Variants in CAPN12 observed in about 807,000 individuals in gnomAD.
CAPN12 encodes the protein calpain-12.
In CAPN12, 107 loss-of-function variants were observed where a neutral mutation model predicts 95.0. The ratio of observed to expected loss-of-function variants is 1.13; its 90% CI spans 0.96 to 1.32. CAPN12 has a LOEUF of 1.32. CAPN12 is among the 40% of genes most tolerant of loss of function. CAPN12 has a pLI of 0.00. For synonymous variants in CAPN12, 505 were observed against 415.5 expected, an observed-to-expected ratio of 1.22 and a Z score of -2.62; for missense variants, 1,136 against 997.8, an observed-to-expected ratio of 1.14 and a Z score of -1.87.
At chr19:38,731,658 T>G (rs1433834532) in intron 18 of CAPN12, 1 of 209,478 alleles carries the variant, frequency 4.8e-6, no homozygotes, top group Non-Finnish European at 9.9e-6. Flanking sequence ...CTGTGGAGTC[T>G]CATTGGAGGC....
At chr19:38,734,751 G>T in intron 15 of CAPN12, 62 bp downstream of exon 15, 1 of 1,507,942 alleles carries the variant, frequency 6.6e-7, no homozygotes, top group Non-Finnish European at 9.1e-7. Context: ...GGGTGGCACC[G>T]GCTCTGGTTG....
chr19:38,742,850 CAAAAA>C (rs11406594), intron 2 of CAPN12, among the ~76,000 whole-genome samples, 178 bp downstream of exon 2: 21 of 53,306 alleles, frequency 3.9e-4, no homozygotes, highest in African/African-American at 1.6e-3. Context: ...GACCCCATCT[CAAAAA>C]AAAAAAAAAA....
rs1969510060 is a variant in CAPN12, at chr19:38,730,598, AG to A, written c.*253del. 1.7e-6 allele frequency: 1 copy of A among 572,922 alleles called. No homozygotes were observed. The highest frequency in any genetic ancestry group is 1.9e-5 in the African/African-American group (1 of 53,502). 35.5% of individuals were successfully genotyped at this position (572,922 alleles called of 1,614,324 possible). A position where few individuals can be genotyped will look rare whatever the true frequency, so the allele number is the denominator to read the frequency against. ...CTCCACCTTCTAGGAGAGCCAGGGC[AG>A]AGCTAGCACTGTCTTAAGCTGTCAA... On this transcript the variant is annotated 3_prime_UTR_variant, in exon 21 of 21. Transcript: ENST00000328867.
In CAPN12 at chr19:38,736,565, TGAAA is replaced by T; in HGVS notation, c.1363-6_1363-3del. On this transcript the variant is annotated splice_region_variant and splice_polypyrimidine_tract_variant and intron_variant, in intron 10 of 20. Transcript: ENST00000328867. ...TCCCAGACTCACCTCCTCTGGAATCTGAAAGAAGCAAGAGCAAGGGGCGTCGGGG... is the reference window on the plus strand; with the variant it reads ...TCCCAGACTCACCTCCTCTGGAATCTGAAGCAAGAGCAAGGGGCGTCGGGG... The T allele has an allele frequency of 1.9e-6, 3 of 1,562,586 alleles. No homozygotes were observed. Among genetic ancestry groups the T allele is most frequent in the Non-Finnish European group, 2.6e-6 (3 of 1,153,726 alleles).
At chr19:38,736,888 T>TGAGAC (rs1419929759) in intron 10 of CAPN12, 10 of 351,372 alleles carry the variant, frequency 2.8e-5, no homozygotes, top group Non-Finnish European at 5.3e-5. Context: ...CCCTCTCCCC[T>TGAGAC]CTGAGACCTG....
At chr19:38,740,022 G>A (rs1420121745) in intron 5 of CAPN12, 29 bp downstream of exon 5, 2 of 1,523,840 alleles carry the variant, frequency 1.3e-6, no homozygotes, top group Non-Finnish European at 1.8e-6. Context: ...TCCTGGTGGG[G>A]GTTCCGCATG....
rs530039635 is a variant in CAPN12 at position 38,735,303 on chromosome 19, G to A, written c.1686+67C>T. 45 of 1,441,140 alleles carry A rather than the reference G, an allele frequency of 3.1e-5. 1 individual carries two copies. In the South Asian group the frequency reaches 3.9e-4, roughly 12 times the overall value. The allele number at this position is 1,441,140 out of a possible 1,614,324, so 89.3% of individuals were successfully genotyped here. On this transcript the variant is annotated intron_variant, in intron 14 of 20. Coordinates refer to ENST00000328867, the MANE Select transcript of CAPN12 (RefSeq NM_144691.4). ...AATGAGACACCTGAGATGCTGGGGT[G>A]GGGGAAGGGGGGTCCCCAAGGGGAG...
intron 12 of CAPN12, 72 bp from the exon 13 acceptor site, chr19:38,735,616 GGTGAGGAATC>G: frequency 6.6e-7 from 1 of 1,524,792 alleles, no homozygotes; most frequent in East Asian, 2.4e-5. Flanking sequence ...CGGGGTCTCA[GGTGAGGAATC>G]GCGTGGGGTC....
At chr19:38,737,667 C>A (rs1218560996) in intron 8 of CAPN12, 29 bp from the exon 9 acceptor site, 6 of 1,529,868 alleles carry the variant, frequency 3.9e-6, no homozygotes, top group African/African-American at 2.7e-5. Context: ...AGACCCTGCC[C>A]GGCCCCACCT....
Position 38,736,551 on chromosome 19 carries a change from C to T in CAPN12, c.1374+1G>A. 6.5e-7 allele frequency: 1 copy of T among 1,538,152 alleles called. No homozygotes were observed. The highest frequency in any genetic ancestry group is 8.8e-7 in the Non-Finnish European group (1 of 1,138,538). ...GCCGGTTGACCCCATCCCAGACTCACCTCCTCTGGAATCTGAAAGAAGCAA... is the reference window on the plus strand; with the variant it reads ...GCCGGTTGACCCCATCCCAGACTCATCTCCTCTGGAATCTGAAAGAAGCAA... On this transcript the variant is annotated splice_donor_variant, in intron 11 of 20. Transcript: ENST00000328867. LOFTEE classifies it high-confidence loss of function.
intron 18 of CAPN12, among the ~76,000 whole-genome samples, chr19:38,732,505 T>C (rs1305399373): frequency 6.6e-6 from 1 of 152,184 alleles, no homozygotes; most frequent in Non-Finnish European, 1.5e-5. Flanking sequence ...CTAATTTTTG[T>C]AGTTTTAGTA....
rs536118420 is a variant in CAPN12, at chr19:38,730,991, C to T, written c.2107G>A (p.Gly703Arg). ...TGTCTGTGGGTCAGGCAGATGACCC[C>T]CTCACCCCCATCCAGGTGCTGGCTG... Reference protein sequence around the residue: ...HCSQHLDGGEGVICLTHRQWM... With the variant: ...HCSQHLDGGERVICLTHRQWM... The change falls in exon 20 of 21, where the codon GGG (glycine) becomes AGG (arginine). Residue 703 changes from glycine (G) to arginine (R), a missense_variant. Transcript: ENST00000328867. The T allele has an allele frequency of 4.5e-6, 7 of 1,551,554 alleles. No homozygotes were observed. The highest frequency in any genetic ancestry group is 1.7e-4 in the Middle Eastern group (1 of 5,992).
intron 2 of CAPN12, 63 bp from the exon 3 acceptor site, chr19:38,742,591 G>T: frequency 8.6e-7 from 1 of 1,162,662 alleles, no homozygotes; most frequent in Non-Finnish European, 1.2e-6. Context: ...GGTGGCTCAT[G>T]CCTCTAATCC....
intron 14 of CAPN12, 127 bp downstream of exon 14, chr19:38,735,240 CAGG>C (rs1169265269): frequency 1.1e-6 from 1 of 890,338 alleles, no homozygotes; most frequent in Non-Finnish European, 1.7e-6. Flanking sequence ...AAGAAAAGGT[CAGG>C]AGATTTAAGC....
At position 38,737,367 on chromosome 19, in the gene CAPN12, TGAG is replaced by T; in HGVS notation, c.1148_1150del (p.Pro383del). On this transcript the variant is annotated inframe_deletion, in exon 10 of 21. Transcript: ENST00000328867. ...AGGCTCCAGCAGCGTTAAACGGAAC[TGAG>T]GATTGGTCCAGAAGGTTTCTAAGGG... 1 of 1,572,640 alleles carries T rather than the reference TGAG, an allele frequency of 6.4e-7. No homozygotes were observed. The highest frequency in any genetic ancestry group is 8.6e-7 in the Non-Finnish European group (1 of 1,158,314).
At chr19:38,735,933 T>G (rs1413653847) in intron 12 of CAPN12, among the ~76,000 whole-genome samples, 177 bp downstream of exon 12, 20 of 1,330 alleles carry the variant, frequency 0.015, no homozygotes, top group Admixed American at 0.025. Flanking sequence ...GGGGCGGGGG[T>G]TCTGGGGGCG....
chr19:38,731,434 A>G (rs1385018827), intron 18 of CAPN12: 1 of 595,252 alleles, frequency 1.7e-6, no homozygotes, highest in Non-Finnish European at 3.0e-6. Context: ...CCCCGACCCC[A>G]TAGGGTGTGT....
chr19:38,734,752 G>A, intron 15 of CAPN12, 61 bp downstream of exon 15: 2 of 1,511,638 alleles, frequency 1.3e-6, no homozygotes, highest in South Asian at 1.2e-5. Context: ...GGTGGCACCG[G>A]CTCTGGTTGC....
At position 38,735,298 on chromosome 19, in the gene CAPN12, G is replaced by A. The variant is rs1969941886; in HGVS notation, c.1686+72C>T. On this transcript the variant is annotated intron_variant, in intron 14 of 20. Coordinates refer to ENST00000328867, the MANE Select transcript of CAPN12 (RefSeq NM_144691.4). ...AGCAAAATGAGACACCTGAGATGCT[G>A]GGGTGGGGGAAGGGGGGTCCCCAAG... 9 of 1,417,672 alleles carry A rather than the reference G, an allele frequency of 6.3e-6. No homozygotes were observed. In the East Asian group the frequency reaches 7.1e-5, roughly 11 times the overall value. The allele number at this position is 1,417,672 out of a possible 1,614,324, so 87.8% of individuals were successfully genotyped here.
Sources: gnomAD v4.1 joint callset for allele counts (sites outside exome capture counted in the v4.1 genomes callset) on GRCh38, gnomAD v4.1.1 for gene constraint, MANE v1.5 for transcripts, NCBI Gene and HGNC (gene_info 2026-07-23, HGNC 2026-07-21) for gene names.